NBPF14: variants seen among roughly 807,000 people sequenced by gnomAD.
The protein encoded by NBPF14 is NBPF family member NBPF14.
A neutral mutation model predicts 91.2 loss-of-function variants in NBPF14; 104 were observed. The observed-to-expected ratio is 1.14, with a 90% CI of 0.97 to 1.34. The LOEUF is 1.34. Ranked by LOEUF, NBPF14 falls within the 40% of genes most tolerant of loss-of-function variation. The probability of loss-of-function intolerance (pLI) is 0.00; values close to 1 mark genes in which losing one functional copy is unlikely to be tolerated. For missense variants in NBPF14, 908 were observed against 783.0 expected (o/e 1.16, Z -1.91); for synonymous variants, 294 against 303.8 (o/e 0.97, Z 0.34).
chr1:148,577,826 C>A lies in NBPF14; in HGVS notation c.1853+157G>T, dbSNP rs1161603988. Among the ~76,000 whole-genome samples, 7 of 137,754 alleles carry A rather than the reference C, an allele frequency of 5.1e-5. No homozygotes were observed. In the Admixed American group the frequency reaches 5.2e-4, roughly 10 times the overall value. 90.4% of individuals were successfully genotyped at this position (137,754 alleles called of 152,430 possible). A position where few individuals can be genotyped will look rare whatever the true frequency, so the allele number is the denominator to read the frequency against. On this transcript the variant is annotated intron_variant, in intron 14 of 70. Coordinates refer to ENST00000619423, the Ensembl canonical transcript of NBPF14. ...GGGTAGGAAGAAATGGAAACCTAAA[C>A]ATTTACTCTAATGAGAACCAAAAAG...
chr1:148,535,179 G>C (rs1252047525), intron 68 of NBPF14, among the ~76,000 whole-genome samples: 2 of 149,924 alleles, frequency 1.3e-5, no homozygotes, highest in East Asian at 2.0e-4. Context: ...CATGAAAAGA[G>C]GGGGCTCAAT....
intron 28 of NBPF14, 22 bp from the exon 29 acceptor site, chr1:148,566,337 A>T: frequency 1.3e-6 from 1 of 769,956 alleles, no homozygotes. Context: ...GGAAAAGGTA[A>T]AGAATAAGCC....
At chr1:148,533,813 C>A (rs782399479) in intron 70 of NBPF14, 48 bp downstream of exon 70, 77 of 767,982 alleles carry the variant, frequency 1.0e-4, no homozygotes, top group Non-Finnish European at 5.7e-5. Context: ...AATCTGTTGC[C>A]TCCAGGAGTT....
exon 65 of NBPF14, chr1:148,537,968 A>T (rs1655300354): frequency 2.2e-5 from 7 of 325,452 alleles, no homozygotes; most frequent in Non-Finnish European, 3.6e-5. Flanking sequence ...GTCCTGCAAG[A>T]CTTCAGGCTC....
At chr1:148,535,013 C>A (rs1383642191) in intron 68 of NBPF14, among the ~76,000 whole-genome samples, 157 bp from the exon 69 acceptor site, 1 of 146,738 alleles carries the variant, frequency 6.8e-6, no homozygotes, top group African/African-American at 2.7e-5. Flanking sequence ...TGGGATAGAC[C>A]AGGGCCAGGT....
chr1:148,557,683 C>T lies in NBPF14; in HGVS notation c.4955-141G>A, dbSNP rs1355768670. ...ATGTGAGAGATATACTTCAGGAGGC[C>T]TGAAAGCTGGTCATGATATTCCTTG... On this transcript the variant is annotated intron_variant, in intron 39 of 70. Transcript: ENST00000619423. The T allele has an allele frequency of 6.4e-6, 4 of 620,314 alleles. 1 individual carries two copies. Among genetic ancestry groups the T allele is most frequent in the Non-Finnish European group, 1.1e-5 (4 of 354,910 alleles). The allele number at this position is 620,314 out of a possible 1,614,324, so 38.4% of individuals were successfully genotyped here. A position where few individuals can be genotyped will look rare whatever the true frequency, so the allele number is the denominator to read the frequency against.
rs1660122604 is a variant in NBPF14, at chr1:148,577,611, T to A, written c.1854-256A>T. Among the ~76,000 whole-genome samples the A allele has an allele frequency of 3.4e-5, 5 of 148,824 alleles. No individual in the cohort carries two copies. The South Asian group carries it at 1.1e-3, about 32-fold the overall frequency. On this transcript the variant is annotated intron_variant, in intron 14 of 70. Transcript: ENST00000619423. ...ACACAGAGCGAGGTCAGTCAATTGG[T>A]CAGGTGACACACTGATGAGGGAGTC...
intron 7 of NBPF14, among the ~76,000 whole-genome samples, chr1:148,587,901 AATC>A (rs1467996791): frequency 1.4e-5 from 2 of 145,144 alleles, no homozygotes; most frequent in Admixed American, 6.9e-5. Flanking sequence ...TGATTTTAAG[AATC>A]ATATCTGAAG....
intron 66 of NBPF14, among the ~76,000 whole-genome samples, chr1:148,536,660 T>TGGTAA (rs1655261899): frequency 1.4e-5 from 1 of 71,794 alleles, no homozygotes; most frequent in South Asian, 6.7e-4. Context: ...GGTGACATAC[T>TGGTAA]GGTAAGGGAG....
intron 16 of NBPF14, among the ~76,000 whole-genome samples, chr1:148,576,029 A>C (rs1350958170): frequency 0.016 from 2,426 of 147,816 alleles, 129 homozygotes; most frequent in Admixed American, 0.093. Context: ...GAGAGAGAGG[A>C]GAAAGTGAGC....
At chr1:148,574,470 C>CAG (rs1659487414) in intron 18 of NBPF14, among the ~76,000 whole-genome samples, 3 of 48,760 alleles carry the variant, frequency 6.2e-5, no homozygotes, top group African/African-American at 2.8e-4. Context: ...CACACACACA[C>CAG]ACAGAGAGAG....
At chr1:148,589,978 C>T (rs1478536140) in intron 6 of NBPF14, among the ~76,000 whole-genome samples, 1 of 145,432 alleles carries the variant, frequency 6.9e-6, no homozygotes, top group African/African-American at 2.5e-5. Context: ...GTGTTCCGCC[C>T]ACCTCAGCCT....
Position 148,584,516 on chromosome 1 carries a change from AG to A in NBPF14, c.1539del (p.Ser514HisfsTer75), listed in dbSNP as rs2149558120. ...TCCTCCCATTCAACATGAGAGGATG[AG>A]CCAATGAGAGTTGAGTCGACTTTGT... On this transcript the variant is annotated frameshift_variant, in exon 11 of 71. Coordinates refer to ENST00000619423, the Ensembl canonical transcript of NBPF14. LOFTEE classifies it high-confidence loss of function. 1 of 546,684 alleles carries A rather than the reference AG, an allele frequency of 1.8e-6. No homozygotes were observed. The highest frequency in any genetic ancestry group is 2.1e-5 in the South Asian group (1 of 47,210). 33.9% of individuals were successfully genotyped at this position (546,684 alleles called of 1,614,324 possible).
intron 67 of NBPF14, among the ~76,000 whole-genome samples, 170 bp downstream of exon 67, chr1:148,536,054 C>G (rs1207580353): frequency 3.3e-5 from 5 of 149,644 alleles, no homozygotes; most frequent in Admixed American, 6.6e-5. Context: ...TGACCCATCC[C>G]TTGTCTGGGC....
At chr1:148,590,266 C>T (rs1662266871) in intron 6 of NBPF14, among the ~76,000 whole-genome samples, 1 of 139,514 alleles carries the variant, frequency 7.2e-6, no homozygotes, top group South Asian at 2.5e-4. Context: ...ACCGTGTTAG[C>T]CAGGATGGTC....
At chr1:148,535,050 G>A (rs1163234797) in intron 68 of NBPF14, among the ~76,000 whole-genome samples, 194 bp from the exon 69 acceptor site, 1 of 146,770 alleles carries the variant, frequency 6.8e-6, no homozygotes, top group African/African-American at 2.6e-5. Flanking sequence ...GAAAGACAGG[G>A]AGAGGGAGAG....
chr1:148,535,207 C>T (rs1324189000), intron 68 of NBPF14, among the ~76,000 whole-genome samples: 41 of 149,784 alleles, frequency 2.7e-4, no homozygotes, highest in African/African-American at 8.8e-4. Context: ...CATAAACTTG[C>T]TCAAGATTCC....
At chr1:148,533,824 A>C (rs1654293056) in intron 70 of NBPF14, 37 bp downstream of exon 70, 1 of 767,976 alleles carries the variant, frequency 1.3e-6, no homozygotes. Flanking sequence ...TCCAGGAGTT[A>C]ACACAGAACT....
chr1:148,586,933 AAT>A (rs1404690302), intron 8 of NBPF14, among the ~76,000 whole-genome samples: 1 of 144,916 alleles, frequency 6.9e-6, no homozygotes, highest in Non-Finnish European at 1.5e-5. Context: ...TGAGTGAAAG[AAT>A]GAGAAGCCGC....
Sources: gnomAD v4.1 joint callset for allele counts (sites outside exome capture counted in the v4.1 genomes callset) on GRCh38, gnomAD v4.1.1 for gene constraint, MANE v1.5 for transcripts, NCBI Gene and HGNC (gene_info 2026-07-23, HGNC 2026-07-21) for gene names.